KIF18A: variants seen among roughly 807,000 people sequenced by gnomAD.
The protein encoded by KIF18A is kinesin-like protein KIF18A.
KIF18A carries 67 observed loss-of-function variants against 103.3 expected under a neutral mutation model. The ratio of observed to expected loss-of-function variants is 0.65; its 90% confidence interval spans 0.53 to 0.79. The LOEUF (loss-of-function observed/expected upper bound fraction) is 0.79, where lower values mean the gene tolerates loss of function less well. Among genes scored for constraint, KIF18A ranks in the 30% least tolerant of loss-of-function variants. The pLI is 0.00. For synonymous variants in KIF18A, 367 were observed against 355.5 expected (o/e 1.03, Z -0.36); for missense variants, 1,032 against 1,062.5 (o/e 0.97, Z 0.40).
intron 9 of KIF18A, among the ~76,000 whole-genome samples, chr11:28,081,488 GAAC>G (rs1228919320): frequency 6.6e-6 from 1 of 152,024 alleles, no homozygotes; most frequent in East Asian, 1.9e-4. Flanking sequence ...TCTACAAATA[GAAC>G]AACAAAGTCT....
At chr11:28,030,646 A>G (rs1458797256) in intron 15 of KIF18A, among the ~76,000 whole-genome samples, 1 of 152,120 alleles carries the variant, frequency 6.6e-6, no homozygotes, top group African/African-American at 2.4e-5. Context: ...CTAAAACACC[A>G]AAAGCAATGG....
intron 9 of KIF18A, among the ~76,000 whole-genome samples, chr11:28,082,129 C>A (rs1374960074): frequency 6.6e-6 from 1 of 152,058 alleles, no homozygotes; most frequent in East Asian, 1.9e-4. Flanking sequence ...AGAAAGTTTA[C>A]CACCTACTCC....
chr11:28,039,876 T>C (rs1042944555), intron 13 of KIF18A, among the ~76,000 whole-genome samples: 2 of 151,756 alleles, frequency 1.3e-5, no homozygotes, highest in African/African-American at 4.8e-5. Context: ...ATGTATATGA[T>C]ATAAATCTAA....
chr11:28,069,537 T>C (rs1419105416), intron 10 of KIF18A, 114 bp from the exon 11 acceptor site: 1 of 956,598 alleles, frequency 1.0e-6, no homozygotes, highest in African/African-American at 1.7e-5. Flanking sequence ...TAAGTTAGGC[T>C]ACATTTTTGT....
Position 28,084,738 on chromosome 11 carries a change from T to C in KIF18A, c.968A>G (p.Asn323Ser). ...TRLLKDSLGGNCQTIMIAAVS... is the reference protein window; with the variant it reads ...TRLLKDSLGGSCQTIMIAAVS... ...AGCAGCTATCATTATAGTTTGACAG[T>C]TTCCTCCAAGAGAATCCTTTAACAA... Residue 323 changes from asparagine (N) to serine (S), a missense_variant, in exon 7 of 17, where the codon AAC becomes AGC. Asn to Ser is a conservative substitution (Grantham distance 46). Transcript: ENST00000263181. The C allele has an allele frequency of 6.2e-7, 1 of 1,612,478 alleles. No homozygotes were observed. The highest frequency in any genetic ancestry group is 1.7e-5 in the Admixed American group (1 of 60,010).
chr11:28,050,191 C>G (rs1850694158), intron 13 of KIF18A, among the ~76,000 whole-genome samples: 1 of 151,534 alleles, frequency 6.6e-6, no homozygotes, highest in Admixed American at 6.6e-5. Flanking sequence ...TTACACTTAC[C>G]AAAGATGGAA....
chr11:28,096,097 A>G (rs553525169), intron 2 of KIF18A, among the ~76,000 whole-genome samples: 103 of 146,284 alleles, frequency 7.0e-4, no homozygotes, highest in African/African-American at 2.4e-3. Context: ...AGTTAAGGCA[A>G]TAACTTCTCA....
At position 28,043,930 on chromosome 11, in the gene KIF18A, A is replaced by T. The variant is rs571212000; in HGVS notation, c.1949-7266T>A. On this transcript the variant is annotated intron_variant, in intron 13 of 16. Transcript: ENST00000263181. ...TAAATGACCAAAAAAAAAAAGGGGG[A>T]ATAATGTTTGGGGTGGTGGGTAGGA... Among the ~76,000 whole-genome samples, 17 of 151,520 alleles carry T rather than the reference A, an allele frequency of 1.1e-4. No individual in the cohort carries two copies. The South Asian group carries it at 3.5e-3, about 32-fold the overall frequency.
chr11:28,023,765 A>C lies in KIF18A; in HGVS notation c.2590T>G (p.Leu864Val). Reference sequence around the variant, plus strand: ...CCCATTGTTGGTTTGTTTTCTTGTAAGTGCTTCTCACTTGAATTATCTTGT... The same window carrying C: ...CCCATTGTTGGTTTGTTTTCTTGTACGTGCTTCTCACTTGAATTATCTTGT... ...VRQDNSSEKH[L>V]QENKPTMEHK... The change falls in exon 16 of 17, where the codon TTA becomes GTA. Residue 864 changes from leucine to valine, a missense_variant. Physicochemically the swap from Leu to Val is conservative, Grantham distance 32. Transcript: ENST00000263181. The C allele has an allele frequency of 6.2e-7, 1 of 1,610,292 alleles. No homozygotes were observed. Among genetic ancestry groups the C allele is most frequent in the Middle Eastern group, 1.7e-4 (1 of 6,044 alleles).
chr11:28,075,137 G>T (rs562418272), intron 10 of KIF18A, among the ~76,000 whole-genome samples: 1 of 152,190 alleles, frequency 6.6e-6, no homozygotes, highest in South Asian at 2.1e-4. Context: ...CCTATTAGAT[G>T]CATGTATGAC....
In KIF18A at chr11:28,039,164, A is replaced by G. The variant is rs181968483; in HGVS notation, c.1949-2500T>C. Among the ~76,000 whole-genome samples the G allele has an allele frequency of 7.9e-5, 12 of 151,836 alleles. No individual in the cohort carries two copies. The East Asian group carries it at 2.3e-3, about 29-fold the overall frequency. ...TACCTTTTTATATATGAATAGGATT[A>G]TATGATAAGGGTTCAAAGAAAGGCT... On this transcript the variant is annotated intron_variant, in intron 13 of 16. Transcript: ENST00000263181.
intron 14 of KIF18A, 109 bp downstream of exon 14, chr11:28,036,108 A>G (rs983257834): frequency 3.2e-6 from 2 of 631,380 alleles, no homozygotes; most frequent in Non-Finnish European, 5.3e-6. Flanking sequence ...AAAATAAAAC[A>G]GACTGTTTTA....
At position 28,025,804 on chromosome 11, in the gene KIF18A, C is replaced by T. The variant is rs541455840; in HGVS notation, c.2505-1954G>A. On this transcript the variant is annotated intron_variant, in intron 15 of 16. Coordinates refer to ENST00000263181, the MANE Select transcript of KIF18A (RefSeq NM_031217.4). Reference sequence around the variant, plus strand: ...TCCAGTTGTGCACAAAACATATTCCCATAACTATAAATAAAGTTAAGAATT... The same window carrying T: ...TCCAGTTGTGCACAAAACATATTCCTATAACTATAAATAAAGTTAAGAATT... Among the ~76,000 whole-genome samples the T allele has an allele frequency of 1.8e-4, 27 of 151,942 alleles. No homozygotes were observed. The South Asian group carries it at 4.6e-3, about 26-fold the overall frequency.
chr11:28,030,306 C>T (rs1203502159), intron 15 of KIF18A, among the ~76,000 whole-genome samples: 1 of 151,976 alleles, frequency 6.6e-6, no homozygotes, highest in Non-Finnish European at 1.5e-5. Context: ...GTAACCAAAA[C>T]AGCCTGGTAC....
intron 6 of KIF18A, among the ~76,000 whole-genome samples, chr11:28,087,458 G>A (rs958303902): frequency 1.3e-5 from 2 of 152,172 alleles, no homozygotes; most frequent in African/African-American, 4.8e-5. Flanking sequence ...TGGTGTATAT[G>A]TGCCACATTT....
Position 28,021,038 on chromosome 11 carries a change from G to C in KIF18A, c.*162C>G. On this transcript the variant is annotated 3_prime_UTR_variant, in exon 17 of 17. Transcript: ENST00000263181. Reference sequence around the variant, plus strand: ...TTTATTTTTTTAGAACACAAAAGAAGAAAACAAAGAGTTTCATTTTTCTGC... The same window carrying C: ...TTTATTTTTTTAGAACACAAAAGAACAAAACAAAGAGTTTCATTTTTCTGC... 3.5e-6 allele frequency: 2 copies of C among 566,694 alleles called. No individual in the cohort carries two copies. The allele number at this position is 566,694 out of a possible 1,614,324, so 35.1% of individuals were successfully genotyped here. A position where few individuals can be genotyped will look rare whatever the true frequency, so the allele number is the denominator to read the frequency against.
chr11:28,036,024 A>G (rs1850481067), intron 14 of KIF18A, among the ~76,000 whole-genome samples, 193 bp downstream of exon 14: 1 of 151,536 alleles, frequency 6.6e-6, no homozygotes, highest in South Asian at 2.1e-4. Context: ...CTGACTTAAG[A>G]TATCAAATTT....
At chr11:28,080,139 AAAATT>A (rs995841504) in intron 9 of KIF18A, among the ~76,000 whole-genome samples, 9 of 152,242 alleles carry the variant, frequency 5.9e-5, no homozygotes, top group African/African-American at 2.2e-4. Context: ...GAGCGCCACT[AAAATT>A]AAACTAAGTC....
chr11:28,060,239 T>A (rs559639048), intron 12 of KIF18A, among the ~76,000 whole-genome samples: 4 of 152,196 alleles, frequency 2.6e-5, no homozygotes, highest in African/African-American at 4.8e-5. Context: ...ATGAATGATC[T>A]TGAAATGATT....
Sources: allele counts gnomAD v4.1 joint callset (sites outside exome capture counted in the v4.1 genomes callset), GRCh38; gene constraint gnomAD v4.1.1; transcripts MANE v1.5; gene names NCBI Gene and HGNC (gene_info 2026-07-23, HGNC 2026-07-21).